Variants in GRM3 observed in about 807,000 individuals in gnomAD.
GRM3 encodes glutamate metabotropic receptor 3, also known as metabotropic glutamate receptor 3.
A neutral mutation model predicts 70.5 loss-of-function variants in GRM3; 26 were observed. The ratio of observed to expected loss-of-function variants is 0.37; its 90% CI spans 0.27 to 0.51. The LOEUF is 0.51. GRM3 is among the 20% of genes least tolerant of loss of function. The probability of loss-of-function intolerance (pLI) is 0.93; values close to 1 mark genes in which losing one functional copy is unlikely to be tolerated. For missense variants in GRM3, 859 were observed against 1,123.8 expected, an observed-to-expected ratio of 0.76 and a Z score of 3.37; for synonymous variants, 443 against 434.9, an observed-to-expected ratio of 1.02 and a Z score of -0.23.
At chr7:86,658,505 G>A (rs998928523) in intron 1 of GRM3, among the ~76,000 whole-genome samples, 1 of 152,038 alleles carries the variant, frequency 6.6e-6, no homozygotes, top group African/African-American at 2.4e-5. Context: ...TAGTAGGTTG[G>A]TTCTTCTTGC....
chr7:86,665,240 A>G (rs978917162), intron 1 of GRM3, among the ~76,000 whole-genome samples: 2 of 152,040 alleles, frequency 1.3e-5, no homozygotes, highest in African/African-American at 4.8e-5. Flanking sequence ...CGTGTTATGA[A>G]TCTCAATTCT....
intron 3 of GRM3, among the ~76,000 whole-genome samples, chr7:86,795,642 TACC>T (rs1797531811): frequency 6.6e-6 from 1 of 152,192 alleles, no homozygotes; most frequent in Non-Finnish European, 1.5e-5. Flanking sequence ...GGTGTATATG[TACC>T]ACATTTATTT....
intron 3 of GRM3, among the ~76,000 whole-genome samples, chr7:86,820,422 C>T: frequency 6.6e-6 from 1 of 152,052 alleles, no homozygotes; most frequent in Non-Finnish European, 1.5e-5. Context: ...GATAATAGAA[C>T]TGAGTACCTT....
chr7:86,771,025 C>T (rs866181335), intron 2 of GRM3, among the ~76,000 whole-genome samples: 1 of 152,068 alleles, frequency 6.6e-6, no homozygotes, highest in Non-Finnish European at 1.5e-5. Context: ...ACAAAATTAT[C>T]CCCTTTCCTC....
Position 86,862,440 on chromosome 7 carries a change from C to T in GRM3, c.2567-1842C>T, listed in dbSNP as rs560027397. Among the ~76,000 whole-genome samples the T allele has an allele frequency of 4.6e-5, 7 of 152,216 alleles. No homozygotes were observed. The South Asian group carries it at 1.4e-3, about 32-fold the overall frequency. On this transcript the variant is annotated intron_variant, in intron 5 of 5. Transcript: ENST00000361669. ...TGGAATTATGATTATGACCACTTTCCATCAAGTATTTATCTGGCACATACT... is the reference window on the plus strand; with the variant it reads ...TGGAATTATGATTATGACCACTTTCTATCAAGTATTTATCTGGCACATACT...
At chr7:86,849,844 G>C (rs115903674) in intron 4 of GRM3, among the ~76,000 whole-genome samples, 2,097 of 152,236 alleles carry the variant, frequency 0.014, 49 homozygotes, top group African/African-American at 0.048. Context: ...AAAGCTGACA[G>C]TGATCCCCAA....
chr7:86,677,702 C>G (rs185617180), intron 1 of GRM3, among the ~76,000 whole-genome samples: 306 of 151,946 alleles, frequency 2.0e-3, no homozygotes, highest in Non-Finnish European at 3.4e-3. Flanking sequence ...TAAATATGCC[C>G]ACCTAGCCAA....
intron 3 of GRM3, among the ~76,000 whole-genome samples, chr7:86,790,488 A>G (rs989476905): frequency 3.3e-5 from 5 of 152,124 alleles, no homozygotes; most frequent in East Asian, 1.9e-4. Context: ...TATTCTCTAC[A>G]TGATAGCCAG....
At chr7:86,696,713 G>T (rs929836518) in intron 1 of GRM3, among the ~76,000 whole-genome samples, 1 of 152,100 alleles carries the variant, frequency 6.6e-6, no homozygotes, top group Non-Finnish European at 1.5e-5. Flanking sequence ...GGTGGTGGTG[G>T]TGGTGGTAGC....
In GRM3 at chr7:86,839,856, T is replaced by C. The variant is rs971975152; in HGVS notation, c.2342T>C (p.Ile781Thr). 3 of 1,613,494 alleles carry C rather than the reference T, an allele frequency of 1.9e-6. No individual in the cohort carries two copies. In the African/African-American group the frequency reaches 4.0e-5, roughly 22 times the overall value. The change falls in exon 4 of 6, where the codon ATC (isoleucine) becomes ACC (threonine). Residue 781 changes from isoleucine to threonine, a missense_variant. Transcript: ENST00000361669. The surrounding 1 kb of genome is among the most constrained non-coding windows in gnomAD (Gnocchi z 4.5). ...TTTACCATGTACACCACGTGCATCA[T>C]CTGGTTGGCCTTCCTCCCTATATTT... Reference protein sequence around the residue: ...IGFTMYTTCIIWLAFLPIFYV... With the variant: ...IGFTMYTTCITWLAFLPIFYV...
intron 1 of GRM3, among the ~76,000 whole-genome samples, chr7:86,648,794 T>C (rs967169132): frequency 3.3e-5 from 5 of 152,028 alleles, no homozygotes; most frequent in African/African-American, 1.2e-4. Flanking sequence ...AAGACATCCG[T>C]GTGTAGGCTT....
intron 1 of GRM3, among the ~76,000 whole-genome samples, chr7:86,749,317 A>G (rs1796178116): frequency 6.6e-6 from 1 of 152,044 alleles, no homozygotes; most frequent in Non-Finnish European, 1.5e-5. Flanking sequence ...GAAATGGGTT[A>G]CTTGTAGGCT....
chr7:86,737,298 A>T (rs758840094), intron 1 of GRM3, among the ~76,000 whole-genome samples: 1 of 152,084 alleles, frequency 6.6e-6, no homozygotes, highest in Non-Finnish European at 1.5e-5. Context: ...AACCTTCACA[A>T]ATTCACTTTG....
intron 2 of GRM3, among the ~76,000 whole-genome samples, chr7:86,768,917 A>G (rs1300379292): frequency 3.9e-5 from 6 of 152,118 alleles, no homozygotes; most frequent in East Asian, 1.9e-4. Context: ...ATCACAAATA[A>G]TAAGAGTTGT....
At chr7:86,845,476 C>G (rs1171270872) in intron 4 of GRM3, among the ~76,000 whole-genome samples, 1 of 152,102 alleles carries the variant, frequency 6.6e-6, no homozygotes, top group Non-Finnish European at 1.5e-5. Flanking sequence ...ACACCAGCCC[C>G]AGCCCTACCT....
chr7:86,793,564 C>A (rs545188019), intron 3 of GRM3, among the ~76,000 whole-genome samples: 13 of 152,178 alleles, frequency 8.5e-5, no homozygotes, highest in African/African-American at 2.9e-4. Context: ...CTTTCTTCCC[C>A]CTTCTCTCTG....
At chr7:86,820,319 A>C (rs1798094538) in intron 3 of GRM3, among the ~76,000 whole-genome samples, 4 of 152,028 alleles carry the variant, frequency 2.6e-5, no homozygotes, top group Admixed American at 2.6e-4. Context: ...GACAGGGTGC[A>C]CTCTTTGACT....
At chr7:86,649,214 C>T (rs1376527815) in intron 1 of GRM3, among the ~76,000 whole-genome samples, 1 of 152,106 alleles carries the variant, frequency 6.6e-6, no homozygotes, top group East Asian at 1.9e-4. Context: ...TAGTGGTGAG[C>T]ACCCTCCAAA....
rs1793683743 is a variant in GRM3, at chr7:86,654,442, G to T, written c.-141+9570G>T. Among the ~76,000 whole-genome samples the T allele has an allele frequency of 2.6e-5, 4 of 152,260 alleles. No homozygotes were observed. In the South Asian group the frequency reaches 6.2e-4, roughly 24 times the overall value. ...AGAGCCTGGCTTTCTTGACCGTTCT[G>T]ATGGTTACAGTACTTCTACCTGATG... On this transcript the variant is annotated intron_variant, in intron 1 of 5. Transcript: ENST00000361669.
Sources: gnomAD v4.1 joint callset for allele counts (sites outside exome capture counted in the v4.1 genomes callset) on GRCh38, gnomAD v4.1.1 for gene constraint, Gnocchi (gnomAD v3.1) non-coding constraint, MANE v1.5 for transcripts, NCBI Gene and HGNC (gene_info 2026-07-23, HGNC 2026-07-21) for gene names.